ZMYND15: variants seen among roughly 807,000 people sequenced by gnomAD.
ZMYND15 encodes zinc finger MYND-type containing 15, also known as zinc finger MYND domain-containing protein 15.
Under a neutral mutation model 81.7 loss-of-function variants are expected in ZMYND15, and 54 were observed. That is an observed-to-expected ratio of 0.66 (90% CI 0.53 to 0.83). The LOEUF is 0.83. ZMYND15 is among the 40% of genes least tolerant of loss of function. The probability of loss-of-function intolerance (pLI) is 0.00; values close to 1 mark genes in which losing one functional copy is unlikely to be tolerated. For missense variants in ZMYND15, 925 were observed against 973.5 expected (o/e 0.95, Z 0.66); for synonymous variants, 399 against 387.0 (o/e 1.03, Z -0.36).
In ZMYND15 at chr17:4,745,622, C is replaced by A. The variant is rs1053962677; in HGVS notation, c.2058-197C>A. Among the ~76,000 whole-genome samples the A allele has an allele frequency of 7.2e-5, 11 of 151,914 alleles. No homozygotes were observed. Among genetic ancestry groups the A allele is most frequent in the Non-Finnish European group, 1.5e-4 (10 of 67,984 alleles). ...CCAACCCACAAAAGACCCCGCGACC[C>A]TCCAACAGACCCAACCCTGAGTCTA... On this transcript the variant is annotated intron_variant, in intron 13 of 13. Transcript: ENST00000433935. The surrounding 1 kb of genome is among the most constrained non-coding windows in gnomAD (Gnocchi z 5.2).
Position 4,739,871 on chromosome 17 carries a change from A to C in ZMYND15, c.-210A>C. The C allele has an allele frequency of 1.0e-6, 1 of 985,940 alleles. No homozygotes were observed. Among genetic ancestry groups the C allele is most frequent in the Non-Finnish European group, 1.2e-6 (1 of 830,436 alleles). 61.1% of individuals were successfully genotyped at this position (985,940 alleles called of 1,614,324 possible). A position where few individuals can be genotyped will look rare whatever the true frequency, so the allele number is the denominator to read the frequency against. ...GAGCCTCCCGGGCGGCCCGGTGGAG[A>C]GAGTCGCCGCCAGCCCCGGCCGCGC... On this transcript the variant is annotated 5_prime_UTR_variant, in exon 1 of 14. Coordinates refer to ENST00000433935, the MANE Select transcript of ZMYND15 (RefSeq NM_001136046.3). The surrounding 1 kb of genome is among the most constrained non-coding windows in gnomAD (Gnocchi z 5.3).
rs1048363779 is a variant in ZMYND15 at position 4,745,747 on chromosome 17, C to CCCGACCCCTGGGAGCG, written c.2058-57_2058-42dup. On this transcript the variant is annotated intron_variant, in intron 13 of 13. Coordinates refer to ENST00000433935, the MANE Select transcript of ZMYND15 (RefSeq NM_001136046.3). This position sits in a 1 kb window ranked among gnomAD's most constrained non-coding sequence, Gnocchi z 5.2. ...GGTCCCTGACCGCGCCCCTGGGAGC[C>CCCGACCCCTGGGAGCG]CCGACCCCTGGGAGCGCCGACCCCT... 294 of 1,330,194 alleles carry CCCGACCCCTGGGAGCG rather than the reference C, an allele frequency of 2.2e-4. 1 individual carries two copies. The East Asian group carries it at 3.7e-3, about 17-fold the overall frequency. 82.4% of individuals were successfully genotyped at this position (1,330,194 alleles called of 1,614,324 possible). A position where few individuals can be genotyped will look rare whatever the true frequency, so the allele number is the denominator to read the frequency against.
chr17:4,741,634 C>G lies in ZMYND15; in HGVS notation c.645C>G (p.Gly215=). 2.5e-6 allele frequency: 4 copies of G among 1,614,130 alleles called. No homozygotes were observed. The highest frequency in any genetic ancestry group is 3.4e-6 in the Non-Finnish European group (4 of 1,180,014). ...TCTTACTTGTGACGGATGAGCATGG[C>G]ACCATCTTGGGCATTGATCTGCTAG... ...SCLLLVTDEH[G]TILGIDLLVD... is the part of the protein sequence containing the mutation. The change falls in exon 3 of 14, where the codon GGC becomes GGG. Residue 215 remains glycine, a synonymous_variant. Transcript: ENST00000433935.
chr17:4,745,760 A>AGCCCCGACCCCTGGGC lies in ZMYND15; in HGVS notation c.2058-57_2058-56insCCCGACCCCTGGGCGC. 7.8e-6 allele frequency: 10 copies of AGCCCCGACCCCTGGGC among 1,280,310 alleles called. No individual in the cohort carries two copies. The highest frequency in any genetic ancestry group is 1.0e-5 in the Non-Finnish European group (10 of 970,536). The allele number at this position is 1,280,310 out of a possible 1,614,324, so 79.3% of individuals were successfully genotyped here. On this transcript the variant is annotated intron_variant, in intron 13 of 13. Transcript: ENST00000433935. This position sits in a 1 kb window ranked among gnomAD's most constrained non-coding sequence, Gnocchi z 5.2. ...GCCCCTGGGAGCCCCGACCCCTGGG[A>AGCCCCGACCCCTGGGC]GCGCCGACCCCTGGGAGTCCCGCCC...
At position 4,745,537 on chromosome 17, in the gene ZMYND15, C is replaced by G. The variant is rs12940996; in HGVS notation, c.2057+162C>G. Among the ~76,000 whole-genome samples the G allele has an allele frequency of 0.2, 29,966 of 151,812 alleles. 3,195 individuals are homozygous for G. The highest frequency in any genetic ancestry group is 0.33 in the South Asian group (1,570 of 4,784). ...CTCTGTCCCCACTACTCGTCGCCCC[C>G]ATGGGAGGTCTCGACATCCCCCAGC... On this transcript the variant is annotated intron_variant, in intron 13 of 13. Coordinates refer to ENST00000433935, the MANE Select transcript of ZMYND15 (RefSeq NM_001136046.3). This position sits in a 1 kb window ranked among gnomAD's most constrained non-coding sequence, Gnocchi z 5.2.
rs141997297 is a variant in ZMYND15 at position 4,742,431 on chromosome 17, C to T, written c.1084C>T (p.Leu362Phe). Reference sequence around the variant, plus strand: ...GAGTCACCGATTTTGGTGCCCAAGGCTTGCAGCCTTCATGGAGCGGGCAGG... The same window carrying T: ...GAGTCACCGATTTTGGTGCCCAAGGTTTGCAGCCTTCATGGAGCGGGCAGG... ...DVSHRFWCPR[L>F]AAFMERAGEL... The change falls in exon 5 of 14, where the codon CTT becomes TTT. Residue 362 changes from leucine (L) to phenylalanine (F), a missense_variant. Transcript: ENST00000433935. The T allele has an allele frequency of 3.1e-6, 5 of 1,614,090 alleles. No homozygotes were observed. The African/African-American group carries it at 6.7e-5, about 22-fold the overall frequency.
chr17:4,740,993 C>T lies in ZMYND15; in HGVS notation c.445C>T (p.Pro149Ser), dbSNP rs755102745. Reference sequence around the variant, plus strand: ...ACCAGAGGAGGACCGGGAGCTAGCCCCTACCAGCAGGGAGTCCCCCCAGGA... The same window carrying T: ...ACCAGAGGAGGACCGGGAGCTAGCCTCTACCAGCAGGGAGTCCCCCCAGGA... Reference protein sequence around the residue: ...VEPEEDRELAPTSRESPQETN... With the variant: ...VEPEEDRELASTSRESPQETN... The change falls in exon 2 of 14, where the codon CCT (proline) becomes TCT (serine). Residue 149 changes from proline (P) to serine (S), a missense_variant. Transcript: ENST00000433935. 9 of 1,559,028 alleles carry T rather than the reference C, an allele frequency of 5.8e-6. 1 individual carries two copies. In the South Asian group the frequency reaches 9.4e-5, roughly 16 times the overall value.
chr17:4,745,488 G>A lies in ZMYND15; in HGVS notation c.2057+113G>A. 7.5e-7 allele frequency: 1 copy of A among 1,335,810 alleles called. No homozygotes were observed. The allele number at this position is 1,335,810 out of a possible 1,614,324, so 82.7% of individuals were successfully genotyped here. ...GTCCCTGCTGTCCTGGGGCCCTCCT[G>A]CCCCCAGCCCAGCAACCTGCCTTCT... On this transcript the variant is annotated intron_variant, in intron 13 of 13. Coordinates refer to ENST00000433935, the MANE Select transcript of ZMYND15 (RefSeq NM_001136046.3). This position sits in a 1 kb window ranked among gnomAD's most constrained non-coding sequence, Gnocchi z 5.2.
In ZMYND15 at chr17:4,744,117, G is replaced by A. The variant is rs753033942; in HGVS notation, c.1495+10G>A. The A allele has an allele frequency of 6.2e-6, 10 of 1,606,242 alleles. No homozygotes were observed. The highest frequency in any genetic ancestry group is 7.7e-6 in the Non-Finnish European group (9 of 1,176,212). On this transcript the variant is annotated intron_variant, in intron 8 of 13. Coordinates refer to ENST00000433935, the MANE Select transcript of ZMYND15 (RefSeq NM_001136046.3). This position sits in a 1 kb window ranked among gnomAD's most constrained non-coding sequence, Gnocchi z 4.1. Reference sequence around the variant, plus strand: ...CTGGTGCCCCAGTCCTGTAAGGAGAGCGGAGTGGGGGGTGGAGCAGGATGG... The same window carrying A: ...CTGGTGCCCCAGTCCTGTAAGGAGAACGGAGTGGGGGGTGGAGCAGGATGG...
chr17:4,740,957 G>A lies in ZMYND15; in HGVS notation c.409G>A (p.Glu137Lys). 6.4e-7 allele frequency: 1 copy of A among 1,573,320 alleles called. No individual in the cohort carries two copies. The highest frequency in any genetic ancestry group is 1.2e-5 in the South Asian group (1 of 86,442). ...KREDGGAGST[E>K]KVEPEEDREL... is the part of the protein sequence containing the mutation. ...AGAGGACGGGGGTGCAGGCAGCACA[G>A]AGAAGGTGGAACCAGAGGAGGACCG... The change falls in exon 2 of 14, where the codon GAG becomes AAG. Residue 137 changes from glutamate (E) to lysine (K), a missense_variant. Transcript: ENST00000433935.
rs1916297439 is a variant in ZMYND15, at chr17:4,739,834, G to A, written c.-247G>A. On this transcript the variant is annotated 5_prime_UTR_variant, in exon 1 of 14. Coordinates refer to ENST00000433935, the MANE Select transcript of ZMYND15 (RefSeq NM_001136046.3). This position sits in a 1 kb window ranked among gnomAD's most constrained non-coding sequence, Gnocchi z 5.3. ...CCCGATCCGGGCGCCGCGGGACCCA[G>A]CCGCGCTGCATGAGCCTCCCGGGCG... 1.0e-6 allele frequency: 1 copy of A among 991,742 alleles called. No homozygotes were observed. Among genetic ancestry groups the A allele is most frequent in the Non-Finnish European group, 1.2e-6 (1 of 833,896 alleles). The allele number at this position is 991,742 out of a possible 1,614,324, so 61.4% of individuals were successfully genotyped here. A position where few individuals can be genotyped will look rare whatever the true frequency, so the allele number is the denominator to read the frequency against.
rs759701840 is a variant in ZMYND15 at position 4,744,581 on chromosome 17, C to G, written c.1684-44C>G. 4 of 1,603,120 alleles carry G rather than the reference C, an allele frequency of 2.5e-6. No individual in the cohort carries two copies. Among genetic ancestry groups the G allele is most frequent in the Non-Finnish European group, 3.4e-6 (4 of 1,174,648 alleles). ...CTTGCCTGGTGCATCCTCCAGTTCCCTGACTTCCAGTGGCTTTTCCACCCC... is the reference window on the plus strand; with the variant it reads ...CTTGCCTGGTGCATCCTCCAGTTCCGTGACTTCCAGTGGCTTTTCCACCCC... On this transcript the variant is annotated intron_variant, in intron 10 of 13. Coordinates refer to ENST00000433935, the MANE Select transcript of ZMYND15 (RefSeq NM_001136046.3). This position sits in a 1 kb window ranked among gnomAD's most constrained non-coding sequence, Gnocchi z 4.1.
At position 4,746,024 on chromosome 17, in the gene ZMYND15, C is replaced by A; in HGVS notation, c.*34C>A. The A allele has an allele frequency of 2.9e-6, 4 of 1,399,972 alleles. No homozygotes were observed. The South Asian group carries it at 6.6e-5, about 23-fold the overall frequency. The allele number at this position is 1,399,972 out of a possible 1,614,324, so 86.7% of individuals were successfully genotyped here. On this transcript the variant is annotated 3_prime_UTR_variant, in exon 14 of 14. Coordinates refer to ENST00000433935, the MANE Select transcript of ZMYND15 (RefSeq NM_001136046.3). ...ACCCTAGTAGTCCCCAGCTCCCAAA[C>A]ACTGAAAGGAAAACGTGAAAACACT...
chr17:4,743,348 G>A lies in ZMYND15; in HGVS notation c.1190G>A (p.Arg397Gln), dbSNP rs149979013. 61 of 1,614,004 alleles carry A rather than the reference G, an allele frequency of 3.8e-5. No homozygotes were observed. The highest frequency in any genetic ancestry group is 1.7e-4 in the Middle Eastern group (1 of 6,060). The change falls in exon 6 of 14, where the codon CGG (arginine) becomes CAG (glutamine). Residue 397 changes from arginine (R) to glutamine (Q), a missense_variant. Coordinates refer to ENST00000433935, the MANE Select transcript of ZMYND15 (RefSeq NM_001136046.3). The surrounding 1 kb of genome is among the most constrained non-coding windows in gnomAD (Gnocchi z 4.3). ...AACAAAGAGGCCTTCCTGGCCTCTC[G>A]GGGCCTCACTCGTGGCTATTGGACC... is the stretch of plus-strand genomic sequence containing the variant. ...TFNKEAFLAS[R>Q]GLTRGYWTQL...
chr17:4,743,522 G>T lies in ZMYND15; in HGVS notation c.1297+67G>T. ...GGAAGGACTGGGAAGAAGTTGTCTG[G>T]GTCCCAGATGATCCCTCCACATACA... On this transcript the variant is annotated intron_variant, in intron 6 of 13. Coordinates refer to ENST00000433935, the MANE Select transcript of ZMYND15 (RefSeq NM_001136046.3). This position sits in a 1 kb window ranked among gnomAD's most constrained non-coding sequence, Gnocchi z 4.3. 6.3e-7 allele frequency: 1 copy of T among 1,588,946 alleles called. No homozygotes were observed.
In ZMYND15 at chr17:4,740,856, A is replaced by G. The variant is rs370059055; in HGVS notation, c.308A>G (p.Tyr103Cys). ...PPLHLRDLSP[Y>C]ISFVSLEDGE... ...CTCCACCTGCGAGACCTGAGCCCCT[A>G]CATCAGCTTTGTCAGCCTAGAGGAT... Residue 103 changes from tyrosine to cysteine, a missense_variant, in exon 2 of 14, where the codon TAC becomes TGC. Coordinates refer to ENST00000433935, the MANE Select transcript of ZMYND15 (RefSeq NM_001136046.3). The G allele has an allele frequency of 2.7e-5, 43 of 1,575,776 alleles. No individual in the cohort carries two copies. In the African/African-American group the frequency reaches 5.0e-4, roughly 18 times the overall value.
intron 1 of ZMYND15, 158 bp downstream of exon 1, chr17:4,740,208 C>A (rs1225157569): frequency 3.9e-6 from 2 of 519,352 alleles, no homozygotes; most frequent in South Asian, 7.4e-5. Context: ...TAGGATTAGC[C>A]CTCTCTCCTC....
chr17:4,742,999 G>A (rs1364453612), intron 5 of ZMYND15, among the ~76,000 whole-genome samples: 3 of 152,028 alleles, frequency 2.0e-5, no homozygotes, highest in African/African-American at 2.4e-5. Context: ...GTTCACACCC[G>A]TAATCCCAGC....
chr17:4,743,013 T>C lies in ZMYND15; in HGVS notation c.1145-290T>C, dbSNP rs1286186696. On this transcript the variant is annotated intron_variant, in intron 5 of 13. Coordinates refer to ENST00000433935, the MANE Select transcript of ZMYND15 (RefSeq NM_001136046.3). This position sits in a 1 kb window ranked among gnomAD's most constrained non-coding sequence, Gnocchi z 4.3. ...GGTTCACACCCGTAATCCCAGCACT[T>C]TGGGAGGCCAACTTGAGCCCAGGAA... is the stretch of plus-strand genomic sequence containing the variant. Among the ~76,000 whole-genome samples the C allele has an allele frequency of 6.6e-6, 1 of 151,940 alleles. No individual in the cohort carries two copies. The highest frequency in any genetic ancestry group is 2.4e-5 in the African/African-American group (1 of 41,354).
Sources: gnomAD v4.1 joint callset for allele counts (sites outside exome capture counted in the v4.1 genomes callset) on GRCh38, gnomAD v4.1.1 for gene constraint, Gnocchi (gnomAD v3.1) non-coding constraint, MANE v1.5 for transcripts, NCBI Gene and HGNC (gene_info 2026-07-23, HGNC 2026-07-21) for gene names.